RGS6: variants seen among roughly 807,000 people sequenced by gnomAD.
The protein encoded by RGS6 is regulator of G protein signaling 6.
In RGS6, 30 loss-of-function variants were observed where a neutral mutation model predicts 78.5. The observed-to-expected ratio is 0.38, with a 90% CI of 0.29 to 0.52. The LOEUF (loss-of-function observed/expected upper bound fraction) is 0.52, where lower values mean the gene tolerates loss of function less well. RGS6 is among the 20% of genes least tolerant of loss of function. The pLI is 0.85. For synonymous variants in RGS6, 206 were observed against 206.0 expected, an observed-to-expected ratio of 1.00 and a Z score of 0.00; for missense variants, 495 against 609.7, an observed-to-expected ratio of 0.81 and a Z score of 1.98.
At chr14:72,227,636 AG>A (rs1191902249) in intron 2 of RGS6, among the ~76,000 whole-genome samples, 2 of 152,304 alleles carry the variant, frequency 1.3e-5, no homozygotes, top group East Asian at 3.9e-4. Flanking sequence ...TTTTTAAAGA[AG>A]GGAGCATTTT....
At chr14:72,431,189 G>A (rs1291269433) in intron 3 of RGS6, among the ~76,000 whole-genome samples, 2 of 152,302 alleles carry the variant, frequency 1.3e-5, no homozygotes, top group East Asian at 3.9e-4. Context: ...TGGACCAGAT[G>A]CCTGCTCTGT....
At chr14:72,393,097 A>G (rs969756505) in intron 3 of RGS6, among the ~76,000 whole-genome samples, 19 of 152,196 alleles carry the variant, frequency 1.2e-4, no homozygotes, top group African/African-American at 4.6e-4. Context: ...ATACCATTTC[A>G]TCTGTGGCTT....
intron 2 of RGS6, among the ~76,000 whole-genome samples, chr14:72,069,339 C>T (rs562581557): frequency 6.6e-6 from 1 of 152,190 alleles, no homozygotes; most frequent in Admixed American, 6.5e-5. Context: ...GTTATATACC[C>T]TATTTCTCTC....
chr14:72,142,506 A>T (rs1233665392), intron 2 of RGS6, among the ~76,000 whole-genome samples: 1 of 152,166 alleles, frequency 6.6e-6, no homozygotes, highest in African/African-American at 2.4e-5. Flanking sequence ...GGGCCCTGAG[A>T]TCATTTGCAT....
At chr14:72,431,301 A>T (rs2094623142) in intron 3 of RGS6, among the ~76,000 whole-genome samples, 2 of 152,274 alleles carry the variant, frequency 1.3e-5, no homozygotes, top group South Asian at 4.1e-4. Flanking sequence ...CCTATACTTG[A>T]TGAGATAGGG....
chr14:72,542,211 C>T (rs1435301116), intron 17 of RGS6, among the ~76,000 whole-genome samples: 1 of 152,184 alleles, frequency 6.6e-6, no homozygotes, highest in Non-Finnish European at 1.5e-5. Context: ...GATTGCCATC[C>T]ATCCATGCTC....
intron 3 of RGS6, among the ~76,000 whole-genome samples, chr14:72,430,981 G>A (rs1049109009): frequency 3.9e-5 from 6 of 152,094 alleles, no homozygotes; most frequent in East Asian, 1.9e-4. Flanking sequence ...GCTGGCTATC[G>A]ATTTCCATCC....
intron 2 of RGS6, among the ~76,000 whole-genome samples, chr14:72,065,889 A>C (rs538554697): frequency 2.1e-4 from 32 of 151,944 alleles, no homozygotes; most frequent in Admixed American, 2.0e-3. Flanking sequence ...ATCATCTAGC[A>C]TTAGGTATAT....
At chr14:72,462,005 G>A (rs1467720191) in intron 6 of RGS6, among the ~76,000 whole-genome samples, 1 of 152,170 alleles carries the variant, frequency 6.6e-6, no homozygotes, top group African/African-American at 2.4e-5. Flanking sequence ...CCACTGGGAT[G>A]TTGGTTGATA....
intron 2 of RGS6, among the ~76,000 whole-genome samples, chr14:72,080,814 A>T (rs1174155994): frequency 6.6e-6 from 1 of 152,106 alleles, no homozygotes; most frequent in African/African-American, 2.4e-5. Context: ...TTTGTAAAAA[A>T]ATCTATTGAC....
chr14:72,237,860 A>T (rs937869532), intron 2 of RGS6, among the ~76,000 whole-genome samples: 1 of 152,186 alleles, frequency 6.6e-6, no homozygotes, highest in African/African-American at 2.4e-5. Context: ...CCTCGAGGGC[A>T]TGTGTTACAA....
intron 2 of RGS6, among the ~76,000 whole-genome samples, chr14:72,200,126 G>A (rs1032037252): frequency 2.0e-5 from 3 of 152,184 alleles, no homozygotes; most frequent in Admixed American, 6.5e-5. Flanking sequence ...AATTCTAGAT[G>A]GTTGTTGCTT....
chr14:72,092,506 C>A (rs1359183579), intron 2 of RGS6, among the ~76,000 whole-genome samples: 2 of 152,080 alleles, frequency 1.3e-5, no homozygotes, highest in African/African-American at 4.8e-5. Flanking sequence ...CTCAGCCTCC[C>A]AAGTAGCTGG....
chr14:71,996,365 A>G (rs1488242985), intron 2 of RGS6, among the ~76,000 whole-genome samples: 2 of 152,178 alleles, frequency 1.3e-5, no homozygotes, highest in Non-Finnish European at 2.9e-5. Context: ...CATCAGATCC[A>G]TTACTAGATG....
chr14:71,999,651 G>A (rs1453877962), intron 2 of RGS6, among the ~76,000 whole-genome samples: 3 of 101,510 alleles, frequency 3.0e-5, no homozygotes, highest in Non-Finnish European at 7.2e-5. Flanking sequence ...CGTCCCCTTG[G>A]TGCTATCCCC....
intron 3 of RGS6, among the ~76,000 whole-genome samples, chr14:72,440,374 A>G (rs1477421852): frequency 6.6e-6 from 1 of 151,638 alleles, no homozygotes. Context: ...GACTTAGAGA[A>G]GCTGAGCATA....
At chr14:72,222,872 T>G (rs1328931372) in intron 2 of RGS6, among the ~76,000 whole-genome samples, 1 of 152,238 alleles carries the variant, frequency 6.6e-6, no homozygotes, top group African/African-American at 2.4e-5. Context: ...CTTCAAGTTT[T>G]TCACCTCCAA....
At chr14:71,880,648 A>C in the RGS6 span, among the ~76,000 whole-genome samples, 1 of 152,246 alleles carries the variant, frequency 6.6e-6, no homozygotes, top group Non-Finnish European at 1.5e-5. Flanking sequence ...AGTGCACAGA[A>C]GTCAAGAATT....
chr14:72,308,275 T>C (rs2067719492), intron 2 of RGS6, among the ~76,000 whole-genome samples: 2 of 152,284 alleles, frequency 1.3e-5, no homozygotes, highest in South Asian at 4.1e-4. Flanking sequence ...ACCGCAAATA[T>C]TGAGTATCCA....
Sources: allele counts gnomAD v4.1 joint callset (sites outside exome capture counted in the v4.1 genomes callset), GRCh38; gene constraint gnomAD v4.1.1; transcripts MANE v1.5; gene names NCBI Gene and HGNC (gene_info 2026-07-23, HGNC 2026-07-21).